MTMR3: variants seen among roughly 807,000 people sequenced by gnomAD.
MTMR3 encodes the protein myotubularin related protein 3, also known as phosphatidylinositol-3,5-bisphosphate 3-phosphatase MTMR3.
Under a neutral mutation model 132.4 loss-of-function variants are expected in MTMR3, and 32 were observed. The ratio of observed to expected loss-of-function variants is 0.24; its 90% CI spans 0.18 to 0.32. The LOEUF (loss-of-function observed/expected upper bound fraction) is 0.32, where lower values mean the gene tolerates loss of function less well. Ranked by LOEUF, MTMR3 falls within the 10% of genes least tolerant of loss-of-function variation. The pLI is 1.00. For missense variants in MTMR3, 1,216 were observed against 1,489.6 expected, an observed-to-expected ratio of 0.82 and a Z score of 3.02; for synonymous variants, 556 against 550.3, an observed-to-expected ratio of 1.01 and a Z score of -0.14.
intron 4 of MTMR3, 73 bp downstream of exon 4, chr22:29,978,604 G>A (rs921655307): frequency 7.0e-6 from 8 of 1,136,480 alleles, no homozygotes; most frequent in Non-Finnish European, 1.0e-5. Context: ...ATGGATTTAA[G>A]TGTAACGTAC....
At chr22:30,023,751 C>T (rs1159399734) in intron 19 of MTMR3, 1 of 477,796 alleles carries the variant, frequency 2.1e-6, no homozygotes, top group Non-Finnish European at 3.8e-6. Flanking sequence ...TTCTTGTCTT[C>T]TGGTCTTGTA....
intron 1 of MTMR3, among the ~76,000 whole-genome samples, chr22:29,939,577 A>G (rs367605708): frequency 6.6e-6 from 1 of 152,196 alleles, no homozygotes; most frequent in African/African-American, 2.4e-5. Flanking sequence ...TAGAGTCACT[A>G]ATGTTTTAGT....
chr22:29,926,127 T>G (rs1025860394), intron 1 of MTMR3, among the ~76,000 whole-genome samples: 2 of 152,312 alleles, frequency 1.3e-5, no homozygotes, highest in South Asian at 4.1e-4. Context: ...ATATTTTATT[T>G]AAATAGAACC....
chr22:29,935,742 CTTTTTT>C (rs35840801), intron 1 of MTMR3, among the ~76,000 whole-genome samples: 2 of 125,874 alleles, frequency 1.6e-5, no homozygotes, highest in African/African-American at 6.0e-5. Flanking sequence ...TCCATGCCCA[CTTTTTT>C]TTTTTTTTTT....
chr22:29,954,250 TA>T (rs1363728386), intron 1 of MTMR3, among the ~76,000 whole-genome samples: 2 of 151,674 alleles, frequency 1.3e-5, no homozygotes, highest in Non-Finnish European at 2.9e-5. Flanking sequence ...GCTGGCTAAT[TA>T]AAAAATTTTA....
intron 1 of MTMR3, among the ~76,000 whole-genome samples, chr22:29,893,157 G>A (rs1330787578): frequency 1.3e-5 from 2 of 152,182 alleles, no homozygotes; most frequent in South Asian, 2.1e-4. Flanking sequence ...ATAAGTTATA[G>A]CATTGTAAAA....
intron 1 of MTMR3, among the ~76,000 whole-genome samples, chr22:29,915,139 T>C (rs547511266): frequency 6.6e-6 from 1 of 152,330 alleles, no homozygotes; most frequent in Admixed American, 6.5e-5. Context: ...CTCATATATT[T>C]TGAAGTTCTG....
chr22:29,934,171 G>A (rs886110750), intron 1 of MTMR3, among the ~76,000 whole-genome samples: 2 of 152,070 alleles, frequency 1.3e-5, no homozygotes, highest in African/African-American at 2.4e-5. Flanking sequence ...TGGCTAACAC[G>A]GTGAAACCCC....
At chr22:29,995,860 T>A (rs895080537) in intron 7 of MTMR3, 1 of 152,236 alleles carries the variant, frequency 6.6e-6, no homozygotes, top group South Asian at 2.1e-4. Flanking sequence ...ATTCCTGATG[T>A]ATGTAATGAT....
At chr22:30,004,909 C>T (rs1405187193) in intron 9 of MTMR3, 1 of 152,246 alleles carries the variant, frequency 6.6e-6, no homozygotes, top group East Asian at 1.9e-4. Context: ...TACTTGACAG[C>T]ACCATGCTGA....
At chr22:29,968,733 C>T (rs1368535403) in intron 2 of MTMR3, among the ~76,000 whole-genome samples, 2 of 152,058 alleles carry the variant, frequency 1.3e-5, no homozygotes, top group African/African-American at 4.8e-5. Flanking sequence ...AGTGGTGTCC[C>T]CAAAGTCTAC....
intron 16 of MTMR3, 128 bp downstream of exon 16, chr22:30,018,200 G>C: frequency 9.3e-7 from 1 of 1,071,332 alleles, no homozygotes. Context: ...GGTCTCTGCA[G>C]TTTTTTCAGG....
intron 1 of MTMR3, among the ~76,000 whole-genome samples, chr22:29,924,670 A>G (rs2065481430): frequency 6.6e-6 from 1 of 152,230 alleles, no homozygotes; most frequent in African/African-American, 2.4e-5. Flanking sequence ...TCTTCACAAT[A>G]TAAAGTCTTC....
rs1368789546 is a variant in MTMR3, at chr22:29,971,052, C to T, written c.-8C>T. On this transcript the variant is annotated 5_prime_UTR_variant, in exon 3 of 20. Coordinates refer to ENST00000401950, the MANE Select transcript of MTMR3 (RefSeq NM_021090.4). ...GGGGATTTCTCCTCCTAATCTGGGC[C>T]TCTTGTCATGGTAAGTACAAGGAAA... is the stretch of plus-strand genomic sequence containing the variant. 1 of 1,594,956 alleles carries T rather than the reference C, an allele frequency of 6.3e-7. No individual in the cohort carries two copies. Among genetic ancestry groups the T allele is most frequent in the South Asian group, 1.1e-5 (1 of 88,030 alleles).
chr22:29,959,760 T>A (rs2066272853), intron 2 of MTMR3, among the ~76,000 whole-genome samples: 1 of 61,500 alleles, frequency 1.6e-5, no homozygotes, highest in Non-Finnish European at 3.8e-5. Flanking sequence ...AAAGTGTTAA[T>A]TTTTTTTTTT....
At position 29,893,789 on chromosome 22, in the gene MTMR3, C is replaced by T. The variant is rs150147582; in HGVS notation, c.-138+10430C>T. ...TTGCTTCTTATTCTTTTAGAGTTTC[C>T]CATTTTTCTACAACGAGCATGTATT... is the stretch of plus-strand genomic sequence containing the variant. On this transcript the variant is annotated intron_variant, in intron 1 of 19. Transcript: ENST00000401950. 4.5e-3 allele frequency among the ~76,000 whole-genome samples: 682 copies of T among 151,830 alleles called. 6 individuals are homozygous for T. The highest frequency in any genetic ancestry group is 0.016 in the African/African-American group (644 of 41,412).
At chr22:29,975,743 C>T (rs1186055414) in intron 3 of MTMR3, among the ~76,000 whole-genome samples, 1 of 152,186 alleles carries the variant, frequency 6.6e-6, no homozygotes, top group Non-Finnish European at 1.5e-5. Context: ...GTATCTGGGA[C>T]TACAGGCATG....
chr22:29,973,539 G>A lies in MTMR3; in HGVS notation c.3+2477G>A, dbSNP rs887818236. Reference sequence around the variant, plus strand: ...TTTCACTTCTACGCTTTGCAAACACGAACACTAGATATGAATTCAGTTAGT... The same window carrying A: ...TTTCACTTCTACGCTTTGCAAACACAAACACTAGATATGAATTCAGTTAGT... On this transcript the variant is annotated intron_variant, in intron 3 of 19. Transcript: ENST00000401950. 2.0e-5 allele frequency among the ~76,000 whole-genome samples: 3 copies of A among 152,282 alleles called. No homozygotes were observed. In the South Asian group the frequency reaches 6.2e-4, roughly 32 times the overall value.
At chr22:29,992,705 A>G (rs2066988872) in intron 7 of MTMR3, 1 of 152,128 alleles carries the variant, frequency 6.6e-6, no homozygotes, top group Non-Finnish European at 1.5e-5. Flanking sequence ...TTAATCCTGA[A>G]TCTTCAATCT....
Sources: gnomAD v4.1 joint callset for allele counts (sites outside exome capture counted in the v4.1 genomes callset) on GRCh38, gnomAD v4.1.1 for gene constraint, MANE v1.5 for transcripts, NCBI Gene and HGNC (gene_info 2026-07-23, HGNC 2026-07-21) for gene names.